The following KLHL29 variants were observed in gnomAD, a reference collection of about 807,000 sequenced individuals.
KLHL29 encodes kelch-like protein 29.
Under a neutral mutation model 80.4 loss-of-function variants are expected in KLHL29, and 21 were observed. That is an observed-to-expected ratio of 0.26 (90% confidence interval 0.19 to 0.38). The LOEUF is 0.38. Among genes scored for constraint, KLHL29 ranks in the 10% least tolerant of loss-of-function variants. The pLI is 1.00. For synonymous variants in KLHL29, 511 were observed against 526.8 expected, an observed-to-expected ratio of 0.97 and a Z score of 0.41; for missense variants, 867 against 1,223.9, an observed-to-expected ratio of 0.71 and a Z score of 4.35.
At chr2:23,644,651 C>T (rs979897427) in intron 5 of KLHL29, among the ~76,000 whole-genome samples, 6 of 152,358 alleles carry the variant, frequency 3.9e-5, no homozygotes, top group African/African-American at 1.4e-4. Flanking sequence ...CAGGACCCTG[C>T]AGGACTTCTG....
chr2:23,530,675 T>C (rs1356493954), intron 2 of KLHL29, among the ~76,000 whole-genome samples: 5 of 152,184 alleles, frequency 3.3e-5, no homozygotes, highest in Non-Finnish European at 7.3e-5. Context: ...AGCAAGCCCT[T>C]GAATGCAAAA....
In KLHL29 at chr2:23,691,699, G is replaced by A. The variant is rs184843294; in HGVS notation, c.1105G>A (p.Gly369Ser). Reference sequence around the variant, plus strand: ...GTCCGTGCAAGACAGCGGCCAGGGCGGCCGGGAGAAGCTGGAGCTCGTCCT... The same window carrying A: ...GTCCGTGCAAGACAGCGGCCAGGGCAGCCGGGAGAAGCTGGAGCTCGTCCT... ...QRSVQDSGQG[G>S]REKLELVLSN... The change falls in exon 7 of 14, where the codon GGC becomes AGC. Residue 369 changes from glycine (G) to serine (S), a missense_variant. Coordinates refer to ENST00000486442, the MANE Select transcript of KLHL29 (RefSeq NM_052920.2). 4.8e-5 allele frequency: 75 copies of A among 1,551,786 alleles called. No homozygotes were observed. Among genetic ancestry groups the A allele is most frequent in the South Asian group, 8.3e-5 (7 of 84,066 alleles).
chr2:23,420,371 G>A (rs917678488), intron 1 of KLHL29, among the ~76,000 whole-genome samples: 2 of 152,120 alleles, frequency 1.3e-5, no homozygotes, highest in Non-Finnish European at 2.9e-5. Flanking sequence ...TGAGCTAAAG[G>A]GTCAGAGACT....
chr2:23,489,517 G>T (rs1429735900), intron 2 of KLHL29, among the ~76,000 whole-genome samples: 2 of 152,140 alleles, frequency 1.3e-5, no homozygotes, highest in Non-Finnish European at 2.9e-5. Flanking sequence ...AGCAGGGTGA[G>T]TCAGAAGTCC....
intron 4 of KLHL29, among the ~76,000 whole-genome samples, chr2:23,640,092 A>G (rs768329448): frequency 1.3e-5 from 2 of 152,018 alleles, no homozygotes; most frequent in African/African-American, 2.4e-5. Context: ...GAGATGCCCC[A>G]GCAGCTACGG....
At chr2:23,621,811 T>A (rs1392031718) in intron 3 of KLHL29, among the ~76,000 whole-genome samples, 1 of 151,566 alleles carries the variant, frequency 6.6e-6, no homozygotes, top group Admixed American at 6.6e-5. Flanking sequence ...CCAAGGGGGG[T>A]CCAGCATACC....
At position 23,385,577 on chromosome 2, in the gene KLHL29, C is replaced by CGGA. The variant is rs1048229389; in HGVS notation, c.-344_-342dup. 50 of 170,842 alleles carry CGGA rather than the reference C, an allele frequency of 2.9e-4. No individual in the cohort carries two copies. Among genetic ancestry groups the CGGA allele is most frequent in the Admixed American group, 2.6e-3 (40 of 15,292 alleles). The allele number at this position is 170,842 out of a possible 1,614,324, so 10.6% of individuals were successfully genotyped here. A position where few individuals can be genotyped will look rare whatever the true frequency, so the allele number is the denominator to read the frequency against. ...CTGGGCTGCCGGGAGGCGGCGGCGG[C>CGGA]GGAGGAGGAGGAGGAACGAGGGGAG... On this transcript the variant is annotated 5_prime_UTR_variant, in exon 1 of 14. Coordinates refer to ENST00000486442, the MANE Select transcript of KLHL29 (RefSeq NM_052920.2).
At chr2:23,524,356 GC>G in intron 2 of KLHL29, 1 of 193,600 alleles carries the variant, frequency 5.2e-6, no homozygotes, top group Non-Finnish European at 1.1e-5. Flanking sequence ...CCAGGAAGTA[GC>G]AGGCCAGGAA....
chr2:23,428,449 CT>C (rs1237583414), intron 1 of KLHL29, among the ~76,000 whole-genome samples: 2 of 152,152 alleles, frequency 1.3e-5, no homozygotes, highest in Non-Finnish European at 2.9e-5. Flanking sequence ...TATGCTTTGT[CT>C]TTTGCTGTGA....
intron 6 of KLHL29, chr2:23,688,852 G>C (rs1482765655): frequency 6.6e-6 from 1 of 152,320 alleles, no homozygotes; most frequent in Non-Finnish European, 1.5e-5. Context: ...GAAATGGCTT[G>C]GGGCAGGGAC....
At chr2:23,482,947 C>T (rs1664840521) in intron 2 of KLHL29, among the ~76,000 whole-genome samples, 1 of 152,186 alleles carries the variant, frequency 6.6e-6, no homozygotes, top group Non-Finnish European at 1.5e-5. Context: ...GCCCTGCCTG[C>T]AAGGAGCTCT....
chr2:23,592,794 C>T (rs1386313051), intron 3 of KLHL29, among the ~76,000 whole-genome samples: 1 of 152,224 alleles, frequency 6.6e-6, no homozygotes, highest in African/African-American at 2.4e-5. Context: ...CAGACCATCT[C>T]CTGGCCCCCA....
At chr2:23,599,091 A>G (rs376367644) in intron 3 of KLHL29, among the ~76,000 whole-genome samples, 32 of 152,362 alleles carry the variant, frequency 2.1e-4, no homozygotes, top group African/African-American at 7.5e-4. Context: ...AGACAGGGGC[A>G]AGAGAAATAG....
chr2:23,590,956 G>A (rs1333313644), intron 3 of KLHL29, among the ~76,000 whole-genome samples: 2 of 152,226 alleles, frequency 1.3e-5, no homozygotes, highest in Non-Finnish European at 2.9e-5. Flanking sequence ...ATGCTAATGG[G>A]TGAAAGCCGA....
chr2:23,624,782 T>A (rs1287534207), intron 3 of KLHL29, among the ~76,000 whole-genome samples: 3 of 152,182 alleles, frequency 2.0e-5, no homozygotes. Flanking sequence ...ATTCCTGCAT[T>A]CTCGGGTCCC....
chr2:23,656,932 G>C (rs1356005613), intron 5 of KLHL29, among the ~76,000 whole-genome samples: 121 of 110,112 alleles, frequency 1.1e-3, no homozygotes, highest in African/African-American at 3.9e-3. Context: ...TCCCCAACAG[G>C]AAAAAAAAAA....
In KLHL29 at chr2:23,693,296, T is replaced by C; in HGVS notation, c.1310T>C (p.Leu437Pro). The change falls in exon 8 of 14, where the codon CTG (leucine) becomes CCG (proline). Residue 437 changes from leucine (L) to proline (P), a missense_variant. By Grantham distance (98) the Leu-to-Pro change is moderately conservative (BLOSUM62 -3). Around this residue, in one of 2 missense-constraint regions of KLHL29, gnomAD observed 443 missense variants for 767.0 expected, o/e 0.58. Coordinates refer to ENST00000486442, the MANE Select transcript of KLHL29 (RefSeq NM_052920.2). Reference sequence around the variant, plus strand: ...AAGCAGCTGACGGCCAGCAACTGCCTGGGCGTGCTGGCCATGGCCGAGGCC... The same window carrying C: ...AAGCAGCTGACGGCCAGCAACTGCCCGGGCGTGCTGGCCATGGCCGAGGCC... ...LEKQLTASNC[L>P]GVLAMAEAMQ... 5 of 1,544,556 alleles carry C rather than the reference T, an allele frequency of 3.2e-6. No homozygotes were observed. The highest frequency in any genetic ancestry group is 3.5e-6 in the Non-Finnish European group (4 of 1,142,204).
chr2:23,531,878 C>T (rs113722268), intron 2 of KLHL29, among the ~76,000 whole-genome samples: 5 of 152,252 alleles, frequency 3.3e-5, no homozygotes, highest in African/African-American at 4.8e-5. Flanking sequence ...CTTTCCACGT[C>T]TGTGCCCTGG....
At chr2:23,654,303 T>G (rs1670172271) in intron 5 of KLHL29, among the ~76,000 whole-genome samples, 1 of 152,172 alleles carries the variant, frequency 6.6e-6, no homozygotes. Context: ...CATCCCCGGC[T>G]TTCCTTGCTT....
Sources: gnomAD v4.1 joint callset for allele counts (sites outside exome capture counted in the v4.1 genomes callset) on GRCh38, gnomAD v4.1.1 for gene constraint, gnomAD v4.1.1 regional missense constraint, MANE v1.5 for transcripts, NCBI Gene and HGNC (gene_info 2026-07-23, HGNC 2026-07-21) for gene names.